MIPOL1: variants seen among roughly 807,000 people sequenced by gnomAD.
The protein encoded by MIPOL1 is mirror-image polydactyly gene 1 protein.
In MIPOL1, 57 loss-of-function variants were observed where a neutral mutation model predicts 60.9. The ratio of observed to expected loss-of-function variants is 0.94; its 90% CI spans 0.76 to 1.17. The LOEUF (loss-of-function observed/expected upper bound fraction) is 1.17, where lower values mean the gene tolerates loss of function less well. Among genes scored for constraint, MIPOL1 ranks in the 50% most tolerant of loss-of-function variants. The pLI is 0.00. For missense variants in MIPOL1, 551 were observed against 511.6 expected (o/e 1.08, Z -0.74); for synonymous variants, 179 against 168.8 (o/e 1.06, Z -0.47).
intron 1 of MIPOL1, among the ~76,000 whole-genome samples, chr14:37,215,023 T>C (rs1306509097): frequency 1.3e-5 from 2 of 152,156 alleles, no homozygotes; most frequent in African/African-American, 4.8e-5. Context: ...GCTCCTGGTC[T>C]GCTTTCATGT....
At chr14:37,413,490 A>C (rs920528325) in intron 10 of MIPOL1, among the ~76,000 whole-genome samples, 2 of 152,096 alleles carry the variant, frequency 1.3e-5, no homozygotes, top group African/African-American at 4.8e-5. Context: ...TCCCTCTTCC[A>C]CTTAAAAGGA....
chr14:37,498,900 G>C (rs1331741229), intron 11 of MIPOL1, among the ~76,000 whole-genome samples: 1 of 152,128 alleles, frequency 6.6e-6, no homozygotes, highest in East Asian at 1.9e-4. Flanking sequence ...TATCAGGCTA[G>C]ATATTAGGAC....
intron 1 of MIPOL1, among the ~76,000 whole-genome samples, chr14:37,227,223 A>G (rs1230321767): frequency 6.6e-6 from 1 of 152,138 alleles, no homozygotes; most frequent in Non-Finnish European, 1.5e-5. Context: ...TCTCTTAGGG[A>G]GAATCTATTT....
chr14:37,405,393 A>G (rs1278267403), intron 10 of MIPOL1, among the ~76,000 whole-genome samples: 1 of 152,164 alleles, frequency 6.6e-6, no homozygotes, highest in Non-Finnish European at 1.5e-5. Flanking sequence ...CCTTTGGTTA[A>G]AAACCATTTT....
intron 9 of MIPOL1, among the ~76,000 whole-genome samples, chr14:37,365,022 A>G (rs1412036335): frequency 1.3e-5 from 2 of 152,208 alleles, no homozygotes. Context: ...GTTGTCATAT[A>G]GAAATGCTAC....
intron 9 of MIPOL1, among the ~76,000 whole-genome samples, chr14:37,334,464 G>C (rs1202075998): frequency 6.6e-6 from 1 of 151,904 alleles, no homozygotes; most frequent in Non-Finnish European, 1.5e-5. Context: ...AGTAGAAATA[G>C]ATTCATTCAT....
chr14:37,213,284 A>G (rs1967012546), intron 1 of MIPOL1, among the ~76,000 whole-genome samples: 1 of 152,208 alleles, frequency 6.6e-6, no homozygotes, highest in South Asian at 2.1e-4. Flanking sequence ...AGAATTCAAA[A>G]TAGCTGTGTT....
intron 7 of MIPOL1, among the ~76,000 whole-genome samples, chr14:37,305,413 A>G (rs1191426974): frequency 2.0e-5 from 3 of 151,818 alleles, no homozygotes; most frequent in Admixed American, 6.6e-5. Flanking sequence ...ATAAAGTTTT[A>G]TTGGGATACA....
chr14:37,226,547 C>A (rs1482621512), intron 1 of MIPOL1, among the ~76,000 whole-genome samples: 1 of 152,182 alleles, frequency 6.6e-6, no homozygotes, highest in African/African-American at 2.4e-5. Context: ...GGGGAAACCA[C>A]CCCCACGATT....
chr14:37,383,039 C>A (rs558690384), intron 10 of MIPOL1, among the ~76,000 whole-genome samples: 3 of 151,530 alleles, frequency 2.0e-5, no homozygotes, highest in African/African-American at 7.3e-5. Context: ...ATGAATGTCA[C>A]CCTCTTGGAG....
chr14:37,293,996 C>T (rs904329311), intron 7 of MIPOL1, among the ~76,000 whole-genome samples: 7 of 152,286 alleles, frequency 4.6e-5, no homozygotes, highest in East Asian at 3.9e-4. Context: ...GATCTGAGAA[C>T]GGGCAGACTG....
At chr14:37,360,867 A>G (rs12879131) in intron 9 of MIPOL1, among the ~76,000 whole-genome samples, 33,229 of 151,830 alleles carry the variant, frequency 0.22, 4,106 homozygotes, top group South Asian at 0.36. Context: ...CTAGCTTTTG[A>G]ATGTGTTTGC....
chr14:37,397,559 TAC>T (rs1450585966), intron 10 of MIPOL1, among the ~76,000 whole-genome samples: 2 of 151,820 alleles, frequency 1.3e-5, no homozygotes. Flanking sequence ...TTCCCAAGAG[TAC>T]ATGTATGCCC....
At chr14:37,482,104 G>A (rs1028626285) in intron 11 of MIPOL1, among the ~76,000 whole-genome samples, 3 of 152,116 alleles carry the variant, frequency 2.0e-5, no homozygotes, top group Non-Finnish European at 2.9e-5. Context: ...AAAAGCTTCT[G>A]TACATCAAAG....
intron 1 of MIPOL1, among the ~76,000 whole-genome samples, chr14:37,215,979 A>T (rs1224072244): frequency 1.3e-5 from 2 of 150,270 alleles, no homozygotes; most frequent in African/African-American, 4.9e-5. Context: ...CAGAAGAATC[A>T]CTTGAACTGG....
chr14:37,384,928 ACTTT>A (rs1252369883), intron 10 of MIPOL1, among the ~76,000 whole-genome samples: 1 of 151,932 alleles, frequency 6.6e-6, no homozygotes, highest in African/African-American at 2.4e-5. Flanking sequence ...GAATTATTTT[ACTTT>A]CTGTCTTCTA....
At chr14:37,374,461 T>A (rs1004280928) in intron 10 of MIPOL1, among the ~76,000 whole-genome samples, 6 of 152,182 alleles carry the variant, frequency 3.9e-5, no homozygotes, top group Admixed American at 3.3e-4. Context: ...TCTTTGCCCA[T>A]GCCTGTGTCC....
chr14:37,498,126 A>G (rs930615207), intron 11 of MIPOL1, among the ~76,000 whole-genome samples: 3 of 152,204 alleles, frequency 2.0e-5, no homozygotes, highest in Admixed American at 2.0e-4. Context: ...AATAAGCCAG[A>G]CAAAAAGTTT....
intron 9 of MIPOL1, among the ~76,000 whole-genome samples, chr14:37,356,929 C>T (rs906366810): frequency 6.6e-6 from 1 of 152,124 alleles, no homozygotes; most frequent in African/African-American, 2.4e-5. Context: ...CTTGGCTCCT[C>T]CCCCCAGGAT....
Sources: gnomAD v4.1 joint callset for allele counts (sites outside exome capture counted in the v4.1 genomes callset) on GRCh38, gnomAD v4.1.1 for gene constraint, MANE v1.5 for transcripts, NCBI Gene and HGNC (gene_info 2026-07-23, HGNC 2026-07-21) for gene names.